ZNF385D: variants seen among roughly 807,000 people sequenced by gnomAD.
ZNF385D encodes zinc finger protein 659.
In ZNF385D, 15 loss-of-function variants were observed where a neutral mutation model predicts 35.8. That is an observed-to-expected ratio of 0.42 (90% CI 0.28 to 0.64). The LOEUF (loss-of-function observed/expected upper bound fraction) is 0.64, where lower values mean the gene tolerates loss of function less well. Ranked by LOEUF, ZNF385D falls within the 30% of genes least tolerant of loss-of-function variation. ZNF385D has a pLI of 0.23. For synonymous variants in ZNF385D, 212 were observed against 186.8 expected (o/e 1.13, Z -1.10); for missense variants, 474 against 494.6 (o/e 0.96, Z 0.39).
intron 1 of ZNF385D, among the ~76,000 whole-genome samples, chr3:21,742,994 T>C (rs1217035573): frequency 1.3e-5 from 2 of 152,246 alleles, no homozygotes; most frequent in African/African-American, 4.8e-5. Context: ...GGCACTTTTA[T>C]GTGTATAGCA....
intron 3 of ZNF385D, among the ~76,000 whole-genome samples, chr3:21,817,221 C>G (rs1467322827): frequency 6.6e-6 from 1 of 152,060 alleles, no homozygotes; most frequent in Non-Finnish European, 1.5e-5. Context: ...GATGTAAAAC[C>G]ATAAAAACTC....
chr3:21,457,686 A>G (rs549053605), intron 4 of ZNF385D, among the ~76,000 whole-genome samples: 2 of 152,150 alleles, frequency 1.3e-5, no homozygotes, highest in Non-Finnish European at 2.9e-5. Flanking sequence ...AATTTATTAC[A>G]TGATTTCCAA....
chr3:22,126,790 C>G (rs1012193130), intron 3 of ZNF385D, among the ~76,000 whole-genome samples: 4 of 152,046 alleles, frequency 2.6e-5, no homozygotes, highest in African/African-American at 9.7e-5. Context: ...GTTGAAGTTT[C>G]CAACTATTAT....
intron 1 of ZNF385D, among the ~76,000 whole-genome samples, chr3:21,741,005 T>A (rs2069487165): frequency 6.6e-6 from 1 of 152,140 alleles, no homozygotes; most frequent in African/African-American, 2.4e-5. Context: ...GATGTTCCCC[T>A]TAAGGCTGGT....
chr3:21,972,671 T>G (rs1468339662), intron 3 of ZNF385D, among the ~76,000 whole-genome samples: 2 of 151,044 alleles, frequency 1.3e-5, no homozygotes, highest in Non-Finnish European at 1.5e-5. Context: ...TAAAGAAAGT[T>G]GATAAGCTTT....
intron 3 of ZNF385D, among the ~76,000 whole-genome samples, chr3:21,862,918 C>T (rs1175163413): frequency 6.6e-6 from 1 of 152,120 alleles, no homozygotes; most frequent in Non-Finnish European, 1.5e-5. Flanking sequence ...TAAAGGCAGA[C>T]TAATGTCATC....
intron 3 of ZNF385D, among the ~76,000 whole-genome samples, chr3:22,085,630 C>T (rs186226778): frequency 3.9e-5 from 6 of 152,232 alleles, no homozygotes; most frequent in East Asian, 1.9e-4. Flanking sequence ...GATTCACAGC[C>T]GAATTCTACC....
At chr3:22,224,027 C>G (rs1247126865) in intron 2 of ZNF385D, among the ~76,000 whole-genome samples, 1 of 152,110 alleles carries the variant, frequency 6.6e-6, no homozygotes, top group African/African-American at 2.4e-5. Context: ...TGAAATAATA[C>G]ATTACAGTAT....
chr3:21,552,520 A>G (rs905006898), intron 3 of ZNF385D, among the ~76,000 whole-genome samples: 1 of 152,248 alleles, frequency 6.6e-6, no homozygotes, highest in African/African-American at 2.4e-5. Context: ...AAAGGTTGGT[A>G]TGTCATTTAT....
At chr3:21,904,152 A>C (rs1699553118) in intron 3 of ZNF385D, among the ~76,000 whole-genome samples, 1 of 151,838 alleles carries the variant, frequency 6.6e-6, no homozygotes, top group Admixed American at 6.6e-5. Context: ...AAAAACACAA[A>C]AATTAGCTGG....
At chr3:21,542,770 C>T (rs902341456) in intron 3 of ZNF385D, 1 of 152,140 alleles carries the variant, frequency 6.6e-6, no homozygotes, top group African/African-American at 2.4e-5. Context: ...TTTCAAGGGC[C>T]GACAGGAAGC....
At chr3:21,895,786 G>C (rs188516891) in intron 3 of ZNF385D, among the ~76,000 whole-genome samples, 60 of 152,178 alleles carry the variant, frequency 3.9e-4, no homozygotes, top group African/African-American at 1.4e-3. Flanking sequence ...AATGATAAAA[G>C]AAAGTGAATA....
intron 2 of ZNF385D, among the ~76,000 whole-genome samples, chr3:21,631,517 TC>T (rs1404522329): frequency 6.6e-6 from 1 of 152,130 alleles, no homozygotes; most frequent in Non-Finnish European, 1.5e-5. Flanking sequence ...ATCAAGAAGA[TC>T]ACCATAGATA....
At chr3:22,008,678 A>G (rs1031063903) in intron 3 of ZNF385D, among the ~76,000 whole-genome samples, 7 of 152,150 alleles carry the variant, frequency 4.6e-5, no homozygotes, top group Non-Finnish European at 8.8e-5. Context: ...TTCTAACCAC[A>G]ATGCAATCAA....
chr3:22,158,161 C>G (rs1218606838), intron 3 of ZNF385D, among the ~76,000 whole-genome samples: 1 of 152,014 alleles, frequency 6.6e-6, no homozygotes, highest in African/African-American at 2.4e-5. Flanking sequence ...GGTTTATAAC[C>G]CCCAGATTCA....
chr3:22,269,562 GGA>G (rs1204137091), intron 2 of ZNF385D, among the ~76,000 whole-genome samples: 5 of 151,928 alleles, frequency 3.3e-5, no homozygotes, highest in Admixed American at 3.3e-4. Flanking sequence ...GAGTAATGGA[GGA>G]GAGAGCACTG....
chr3:21,681,298 T>TGAAAAAAA (rs367942289), intron 1 of ZNF385D, among the ~76,000 whole-genome samples: 5 of 64,466 alleles, frequency 7.8e-5, no homozygotes, highest in Admixed American at 2.6e-4. Flanking sequence ...ATTCCATCAG[T>TGAAAAAAA]AAAAAAAAAA....
chr3:21,891,419 C>G (rs530976878), intron 3 of ZNF385D, among the ~76,000 whole-genome samples: 58 of 152,158 alleles, frequency 3.8e-4, no homozygotes, highest in Non-Finnish European at 7.9e-4. Context: ...CCTGACCACA[C>G]CATTCATTTT....
At chr3:22,333,599 A>G (rs1443628661) in intron 2 of ZNF385D, among the ~76,000 whole-genome samples, 1 of 152,158 alleles carries the variant, frequency 6.6e-6, no homozygotes, top group Non-Finnish European at 1.5e-5. Flanking sequence ...TTTCAGCCCT[A>G]AAATCTCCCA....
Sources: gnomAD v4.1 joint callset for allele counts (sites outside exome capture counted in the v4.1 genomes callset) on GRCh38, gnomAD v4.1.1 for gene constraint, MANE v1.5 for transcripts, NCBI Gene and HGNC (gene_info 2026-07-23, HGNC 2026-07-21) for gene names.